DSCAM: variants seen among roughly 807,000 people sequenced by gnomAD.
DSCAM encodes the protein cell adhesion molecule DSCAM.
In DSCAM, 47 loss-of-function variants were observed where a neutral mutation model predicts 217.7. The observed-to-expected ratio is 0.22, with a 90% CI of 0.17 to 0.28. DSCAM has a LOEUF of 0.28. DSCAM is among the 10% of genes least tolerant of loss of function. The pLI is 1.00. For synonymous variants in DSCAM, 1,056 were observed against 1,015.3 expected (o/e 1.04, Z -0.76); for missense variants, 2,080 against 2,618.3 (o/e 0.79, Z 4.49).
intron 3 of DSCAM, among the ~76,000 whole-genome samples, chr21:40,577,699 G>GA (rs2076865066): frequency 6.6e-6 from 1 of 152,170 alleles, no homozygotes; most frequent in Admixed American, 6.5e-5. Flanking sequence ...TTAGAAAGGG[G>GA]AGGGGGGTCT....
At chr21:40,530,364 AC>A (rs1204027917) in intron 3 of DSCAM, among the ~76,000 whole-genome samples, 1 of 152,234 alleles carries the variant, frequency 6.6e-6, no homozygotes, top group African/African-American at 2.4e-5. Context: ...TTAAATATTC[AC>A]AAAAAATAAT....
intron 3 of DSCAM, among the ~76,000 whole-genome samples, chr21:40,521,181 A>AG (rs1422186160): frequency 6.6e-6 from 1 of 152,112 alleles, no homozygotes; most frequent in Non-Finnish European, 1.5e-5. Flanking sequence ...TGGGAGTGAG[A>AG]GGGTGGGTGG....
At chr21:40,279,350 T>C (rs1311482273) in intron 10 of DSCAM, among the ~76,000 whole-genome samples, 1 of 144,274 alleles carries the variant, frequency 6.9e-6, no homozygotes, top group African/African-American at 2.5e-5. Context: ...GAGACTTTTA[T>C]GTGGCCAAGA....
At chr21:40,712,465 G>A (rs142028331) in intron 1 of DSCAM, among the ~76,000 whole-genome samples, 6,432 of 97,226 alleles carry the variant, frequency 0.066, 162 homozygotes, top group Middle Eastern at 0.17. Context: ...GCGAGACTCC[G>A]TCTCAAAAAA....
chr21:40,360,294 G>A (rs1044945762), intron 4 of DSCAM, among the ~76,000 whole-genome samples: 7 of 151,622 alleles, frequency 4.6e-5, no homozygotes, highest in South Asian at 4.2e-4. Flanking sequence ...CACCACGCCC[G>A]GCTAATTTTT....
At chr21:40,215,885 C>A (rs1156429963) in intron 11 of DSCAM, among the ~76,000 whole-genome samples, 2 of 151,680 alleles carry the variant, frequency 1.3e-5, no homozygotes, top group Non-Finnish European at 2.9e-5. Context: ...TAAATGACTG[C>A]CATTTTGTCT....
intron 3 of DSCAM, among the ~76,000 whole-genome samples, chr21:40,444,836 G>A (rs2075661179): frequency 6.6e-6 from 1 of 152,110 alleles, no homozygotes; most frequent in Non-Finnish European, 1.5e-5. Flanking sequence ...ATGTACCCTG[G>A]ATGATGCTGT....
chr21:40,412,770 GTAAC>G (rs1240077276), intron 3 of DSCAM, among the ~76,000 whole-genome samples: 3 of 152,214 alleles, frequency 2.0e-5, no homozygotes, highest in Non-Finnish European at 4.4e-5. Context: ...ATTTGAATAA[GTAAC>G]TAGGAGCCAA....
Position 40,683,893 on chromosome 21 carries a change from G to A in DSCAM, c.508+8917C>T, listed in dbSNP as rs541619214. Among the ~76,000 whole-genome samples, 8 of 152,184 alleles carry A rather than the reference G, an allele frequency of 5.3e-5. No homozygotes were observed. The South Asian group carries it at 1.5e-3, about 28-fold the overall frequency. On this transcript the variant is annotated intron_variant, in intron 3 of 32. Transcript: ENST00000400454. ...GACCTCTTCAGCTATACAGACGCGG[G>A]CGCAAAAACACCTGAGCATCCAGAC...
chr21:40,020,775 G>C (rs2088251733), intron 32 of DSCAM, among the ~76,000 whole-genome samples: 1 of 152,172 alleles, frequency 6.6e-6, no homozygotes, highest in Admixed American at 6.5e-5. Context: ...AGTGTCTCCA[G>C]CCCAGGCCCA....
chr21:40,820,638 A>T (rs2091916964), intron 1 of DSCAM, among the ~76,000 whole-genome samples: 1 of 152,204 alleles, frequency 6.6e-6, no homozygotes, highest in Admixed American at 6.5e-5. Flanking sequence ...AAATTTTTTT[A>T]AATTAGGGTC....
At chr21:40,790,191 T>TTC (rs575616209) in intron 1 of DSCAM, among the ~76,000 whole-genome samples, 16,355 of 147,702 alleles carry the variant, frequency 0.11, 1,048 homozygotes, top group East Asian at 0.2. Context: ...TTTTTTTTTT[T>TTC]TTTTTTTTTA....
intron 32 of DSCAM, among the ~76,000 whole-genome samples, chr21:40,026,235 G>C (rs1336328848): frequency 7.1e-6 from 1 of 141,358 alleles, no homozygotes; most frequent in South Asian, 2.7e-4. Flanking sequence ...TGGTCTGAGA[G>C]ACAGTTTGTT....
At chr21:40,746,269 G>A (rs150346065) in intron 1 of DSCAM, among the ~76,000 whole-genome samples, 5 of 151,106 alleles carry the variant, frequency 3.3e-5, no homozygotes, top group Admixed American at 2.0e-4. Context: ...TGACTGAATG[G>A]ATTTTTAAAA....
chr21:40,187,225 A>T lies in DSCAM; in HGVS notation c.2685T>A (p.Asp895Glu). 1 of 1,614,018 alleles carries T rather than the reference A, an allele frequency of 6.2e-7. No individual in the cohort carries two copies. The highest frequency in any genetic ancestry group is 8.5e-7 in the Non-Finnish European group (1 of 1,179,942). The change falls in exon 14 of 33, where the codon GAT becomes GAA. Residue 895 changes from aspartate to glutamate, a missense_variant. Coordinates refer to ENST00000400454, the MANE Select transcript of DSCAM (RefSeq NM_001389.5). ...TGAGCGTAATTGTGCGTGCTTTGACATCTTTGATCTCAATTTCGGGAGGGT... is the reference window on the plus strand; with the variant it reads ...TGAGCGTAATTGTGCGTGCTTTGACTTCTTTGATCTCAATTTCGGGAGGGT... ...PPDPPEIEIK[D>E]VKARTITLRW...
At chr21:40,442,981 G>T (rs749694211) in intron 3 of DSCAM, among the ~76,000 whole-genome samples, 1 of 152,202 alleles carries the variant, frequency 6.6e-6, no homozygotes, top group Non-Finnish European at 1.5e-5. Context: ...GCAGAGGAGA[G>T]AGTATAACTG....
intron 1 of DSCAM, among the ~76,000 whole-genome samples, chr21:40,777,040 G>T (rs1254116067): frequency 6.6e-6 from 1 of 152,144 alleles, no homozygotes; most frequent in Non-Finnish European, 1.5e-5. Flanking sequence ...CCATAGACTG[G>T]ATGACTTATA....
intron 4 of DSCAM, among the ~76,000 whole-genome samples, chr21:40,363,536 A>G (rs2074792198): frequency 6.6e-6 from 1 of 152,202 alleles, no homozygotes; most frequent in Admixed American, 6.5e-5. Context: ...TACAGGTGTG[A>G]GCCACCACGC....
chr21:40,555,234 C>T (rs975278840), intron 3 of DSCAM, among the ~76,000 whole-genome samples: 3 of 152,096 alleles, frequency 2.0e-5, no homozygotes, highest in African/African-American at 7.2e-5. Context: ...GATGGCATTC[C>T]ATTTGCTTGG....
Sources: allele counts gnomAD v4.1 joint callset (sites outside exome capture counted in the v4.1 genomes callset), GRCh38; gene constraint gnomAD v4.1.1; transcripts MANE v1.5; gene names NCBI Gene and HGNC (gene_info 2026-07-23, HGNC 2026-07-21).